Variants in HDAC4 observed in about 807,000 individuals in gnomAD.
HDAC4 encodes the protein histone deacetylase 4.
In HDAC4, 16 loss-of-function variants were observed where a neutral mutation model predicts 135.1. That is an observed-to-expected ratio of 0.12 (90% CI 0.08 to 0.18). HDAC4 has a LOEUF of 0.18. Among genes scored for constraint, HDAC4 ranks in the 10% least tolerant of loss-of-function variants. The pLI, the probability that HDAC4 is intolerant of heterozygous loss-of-function variation, is 1.00. For missense variants in HDAC4, 1,143 were observed against 1,511.8 expected, an observed-to-expected ratio of 0.76 and a Z score of 4.05; for synonymous variants, 685 against 653.4, an observed-to-expected ratio of 1.05 and a Z score of -0.74.
rs377726443 is a variant in HDAC4 at position 239,102,843 on chromosome 2, T to C, written c.2166A>G (p.Glu722=). Residue 722 remains glutamate (E), a synonymous_variant, in exon 16 of 27, where the codon GAA becomes GAG. Transcript: ENST00000543185. The part of the protein sequence containing the change: ...TLEELQTVHS[E]AHTLLYGTNP... Reference sequence around the variant, plus strand: ...TCGTGCCATACAGGAGGGTGTGGGCTTCCGAGTGCACCGTCTGTAGCTCCT... The same window carrying C: ...TCGTGCCATACAGGAGGGTGTGGGCCTCCGAGTGCACCGTCTGTAGCTCCT... 6 of 1,613,838 alleles carry C rather than the reference T, an allele frequency of 3.7e-6. No individual in the cohort carries two copies. The African/African-American group carries it at 8.0e-5, about 22-fold the overall frequency.
Position 239,309,100 on chromosome 2 carries a change from T to C in HDAC4, c.22+43578A>G, listed in dbSNP as rs1429964189. 6.6e-6 allele frequency: 1 copy of C among 152,178 alleles called. No individual in the cohort carries two copies. The highest frequency in any genetic ancestry group is 1.5e-5 in the Non-Finnish European group (1 of 68,034). 9.4% of individuals were successfully genotyped at this position (152,178 alleles called of 1,614,324 possible). A position where few individuals can be genotyped will look rare whatever the true frequency, so the allele number is the denominator to read the frequency against. ...TTGGTGCTTTACCTTCAGCCCAGAC[T>C]TTCGCTTAATCCCGGAAACTGCTCC... On this transcript the variant is annotated intron_variant, in intron 2 of 26. Transcript: ENST00000543185. The surrounding 1 kb of genome is among the most constrained non-coding windows in gnomAD (Gnocchi z 4.2).
chr2:239,316,937 C>T (rs1328044656), intron 2 of HDAC4, among the ~76,000 whole-genome samples: 1 of 152,096 alleles, frequency 6.6e-6, no homozygotes, highest in Non-Finnish European at 1.5e-5. Flanking sequence ...AAAAAGTACA[C>T]AGGGGGAAAA....
intron 2 of HDAC4, among the ~76,000 whole-genome samples, chr2:239,322,921 C>T (rs779243676): frequency 2.6e-5 from 4 of 152,126 alleles, no homozygotes; most frequent in Non-Finnish European, 4.4e-5. Flanking sequence ...ACAAACCCAG[C>T]GCTGCTGCGG....
intron 8 of HDAC4, among the ~76,000 whole-genome samples, chr2:239,140,680 G>A (rs1261898201): frequency 5.3e-5 from 8 of 152,156 alleles, no homozygotes; most frequent in African/African-American, 1.2e-4. Context: ...TCAGAACCTC[G>A]CCCCAACCTA....
chr2:239,242,073 A>AGAAGG (rs1429040233), intron 2 of HDAC4, among the ~76,000 whole-genome samples: 2 of 146,666 alleles, frequency 1.4e-5, no homozygotes, highest in East Asian at 3.9e-4. Context: ...AAAAAGAAAG[A>AGAAGG]AAGAGAAGGA....
intron 2 of HDAC4, among the ~76,000 whole-genome samples, chr2:239,260,534 A>G (rs2049297005): frequency 6.6e-6 from 1 of 152,126 alleles, no homozygotes; most frequent in Non-Finnish European, 1.5e-5. Context: ...TGCTGGCCTC[A>G]TCTCTCTTCC....
chr2:239,163,861 C>T lies in HDAC4; in HGVS notation c.553G>A (p.Ala185Thr), dbSNP rs1289873804. ...TGGTTCAGATTCCGGTGGGCCAGCG[C>T]CTTCTTTTTATTGAGGACAAATTCT... ...LQEFVLNKKK[A>T]LAHRNLNHCI... Residue 185 changes from alanine (A) to threonine (T), a missense_variant, in exon 6 of 27, where the codon GCG becomes ACG. Around this residue, in one of 9 missense-constraint regions of HDAC4, gnomAD observed 247 missense variants for 310.0 expected, o/e 0.80. Coordinates refer to ENST00000543185, the MANE Select transcript of HDAC4 (RefSeq NM_001378414.1). 3.1e-6 allele frequency: 5 copies of T among 1,614,116 alleles called. No homozygotes were observed. In the East Asian group the frequency reaches 8.9e-5, roughly 29 times the overall value.
intron 2 of HDAC4, among the ~76,000 whole-genome samples, chr2:239,323,829 A>T (rs1324279662): frequency 6.6e-6 from 1 of 152,184 alleles, no homozygotes; most frequent in Non-Finnish European, 1.5e-5. Flanking sequence ...GCTGCCACTC[A>T]AGCAGGCAGA....
chr2:239,121,684 C>T (rs1439838626), intron 12 of HDAC4, among the ~76,000 whole-genome samples: 2 of 152,264 alleles, frequency 1.3e-5, no homozygotes, highest in African/African-American at 2.4e-5. Context: ...CGTGGGCCTC[C>T]GGCGAGGGCT....
At chr2:239,214,690 G>A (rs2046529976) in intron 3 of HDAC4, among the ~76,000 whole-genome samples, 1 of 152,204 alleles carries the variant, frequency 6.6e-6, no homozygotes, top group Non-Finnish European at 1.5e-5. Context: ...GCTTTAAAGA[G>A]GTATATTTTA....
intron 12 of HDAC4, among the ~76,000 whole-genome samples, chr2:239,121,612 GC>G (rs1353636085): frequency 3.9e-5 from 6 of 152,354 alleles, no homozygotes; most frequent in African/African-American, 1.4e-4. Context: ...CGAGGATGAA[GC>G]CTCTGAAGTG....
At chr2:239,096,438 C>T (rs2037059768) in intron 16 of HDAC4, among the ~76,000 whole-genome samples, 1 of 141,602 alleles carries the variant, frequency 7.1e-6, no homozygotes, top group African/African-American at 2.7e-5. Flanking sequence ...CGACTGCACC[C>T]CCATCACCCC....
chr2:239,338,984 T>G (rs1014055877), intron 2 of HDAC4, among the ~76,000 whole-genome samples: 5 of 152,222 alleles, frequency 3.3e-5, no homozygotes, highest in African/African-American at 1.2e-4. Flanking sequence ...AAAGAAACTG[T>G]GAAGGCAGAG....
intron 17 of HDAC4, among the ~76,000 whole-genome samples, chr2:239,092,858 TTTG>T (rs981806836): frequency 3.3e-5 from 5 of 152,164 alleles, no homozygotes; most frequent in African/African-American, 1.2e-4. Context: ...TCTTTTTTTT[TTTG>T]TTTTCTTTTC....
chr2:239,343,747 CCCAGGTG>C (rs1692445150), intron 2 of HDAC4, among the ~76,000 whole-genome samples: 1 of 152,208 alleles, frequency 6.6e-6, no homozygotes, highest in Non-Finnish European at 1.5e-5. Context: ...CCTCTCAGGT[CCCAGGTG>C]CCCAGTGTTC....
chr2:239,255,620 C>T (rs1247784124), intron 2 of HDAC4, among the ~76,000 whole-genome samples: 1 of 152,200 alleles, frequency 6.6e-6, no homozygotes, highest in African/African-American at 2.4e-5. Context: ...GCCAACATGC[C>T]ACAGCCTTGG....
In HDAC4 at chr2:239,309,155, C is replaced by T. The variant is rs754753387; in HGVS notation, c.22+43523G>A. On this transcript the variant is annotated intron_variant, in intron 2 of 26. Coordinates refer to ENST00000543185, the MANE Select transcript of HDAC4 (RefSeq NM_001378414.1). This position sits in a 1 kb window ranked among gnomAD's most constrained non-coding sequence, Gnocchi z 4.2. ...GCGTTTTTCTCAGGGCGTTCGGCGC[C>T]GTAACTCAGGAGAAACCCAAGTCCT... The T allele has an allele frequency of 9.2e-5, 14 of 152,188 alleles. No homozygotes were observed. Among genetic ancestry groups the T allele is most frequent in the East Asian group, 1.9e-4 (1 of 5,176 alleles). The allele number at this position is 152,188 out of a possible 1,614,324, so 9.4% of individuals were successfully genotyped here.
chr2:239,377,215 C>T (rs899986873), intron 1 of HDAC4, among the ~76,000 whole-genome samples: 23 of 109,320 alleles, frequency 2.1e-4, no homozygotes, highest in South Asian at 7.0e-4. Context: ...GTTCCCCAGG[C>T]GTCAGCTGCC....
chr2:239,348,968 G>T (rs189589466), intron 2 of HDAC4, among the ~76,000 whole-genome samples: 284 of 152,330 alleles, frequency 1.9e-3, no homozygotes, highest in African/African-American at 6.5e-3. Flanking sequence ...GAACACAGGA[G>T]AGGAAAGCCA....
Sources: gnomAD v4.1 joint callset for allele counts (sites outside exome capture counted in the v4.1 genomes callset) on GRCh38, gnomAD v4.1.1 for gene constraint, gnomAD v4.1.1 regional missense constraint, Gnocchi (gnomAD v3.1) non-coding constraint, MANE v1.5 for transcripts, NCBI Gene and HGNC (gene_info 2026-07-23, HGNC 2026-07-21) for gene names.